The following SAMSN1 variants were observed in gnomAD, a reference collection of about 807,000 sequenced individuals.
SAMSN1 encodes the protein SAM domain, SH3 domain and nuclear localization signals 1, also known as SAM domain-containing protein SAMSN-1.
Under a neutral mutation model 42.0 loss-of-function variants are expected in SAMSN1, and 31 were observed. The observed-to-expected ratio is 0.74, with a 90% CI of 0.55 to 1.00. The LOEUF is 1.00. Among genes scored for constraint, SAMSN1 ranks in the 50% least tolerant of loss-of-function variants. The pLI, the probability that SAMSN1 is intolerant of heterozygous loss-of-function variation, is 0.00. For missense variants in SAMSN1, 464 were observed against 439.4 expected (o/e 1.06, Z -0.50); for synonymous variants, 178 against 151.9 (o/e 1.17, Z -1.26).
chr21:14,516,326 C>T (rs1377823419), intron 3 of SAMSN1, among the ~76,000 whole-genome samples: 2 of 152,112 alleles, frequency 1.3e-5, no homozygotes, highest in Non-Finnish European at 2.9e-5. Flanking sequence ...CTGATACTTG[C>T]TACTAAATTA....
chr21:14,517,309 T>A (rs895115343), intron 2 of SAMSN1, among the ~76,000 whole-genome samples: 2 of 152,226 alleles, frequency 1.3e-5, no homozygotes, highest in African/African-American at 4.8e-5. Context: ...TTTTGACTAT[T>A]TTTTAAATAG....
chr21:14,640,891 A>G (rs1983578591), intron 2 of SAMSN1, among the ~76,000 whole-genome samples: 1 of 152,140 alleles, frequency 6.6e-6, no homozygotes, highest in African/African-American at 2.4e-5. Flanking sequence ...ACAGAGCTAT[A>G]GCAATTTAAA....
chr21:14,599,505 T>A (rs1451386946), intron 6 of SAMSN1, among the ~76,000 whole-genome samples: 2 of 152,134 alleles, frequency 1.3e-5, no homozygotes, highest in Admixed American at 1.3e-4. Flanking sequence ...TAGCCTCGGG[T>A]ATTTCTTCAT....
At chr21:14,581,009 T>C (rs1301612402) in intron 2 of SAMSN1, among the ~76,000 whole-genome samples, 1 of 152,200 alleles carries the variant, frequency 6.6e-6, no homozygotes. Context: ...CTTTAGCTTC[T>C]TGACTATTTC....
chr21:14,632,830 T>C (rs529149724), intron 2 of SAMSN1, among the ~76,000 whole-genome samples: 1 of 152,218 alleles, frequency 6.6e-6, no homozygotes, highest in South Asian at 2.1e-4. Context: ...TTCAATTTCC[T>C]GAAGGCTGTT....
intron 2 of SAMSN1, among the ~76,000 whole-genome samples, chr21:14,551,996 T>G (rs1326479775): frequency 6.6e-6 from 1 of 152,114 alleles, no homozygotes; most frequent in Non-Finnish European, 1.5e-5. Flanking sequence ...TGCTAAGGGC[T>G]AGGGGGAGGG....
chr21:14,623,034 A>G (rs1983057296), intron 2 of SAMSN1, among the ~76,000 whole-genome samples: 2 of 152,336 alleles, frequency 1.3e-5, no homozygotes, highest in South Asian at 4.1e-4. Flanking sequence ...TTTATAAGTG[A>G]AGGAGAAATA....
At chr21:14,493,942 G>A (rs368657) in intron 7 of SAMSN1, among the ~76,000 whole-genome samples, 69,301 of 151,950 alleles carry the variant, frequency 0.46, 16,255 homozygotes, top group African/African-American at 0.56. Flanking sequence ...CAGCACTAAC[G>A]CCACATACCA....
rs117223920 is a variant in SAMSN1, at chr21:14,562,937, C to T, written c.261+19199G>A. Among the ~76,000 whole-genome samples the T allele has an allele frequency of 2.5e-3, 387 of 152,250 alleles. 4 individuals are homozygous for T. Among genetic ancestry groups the T allele is most frequent in the Admixed American group, 6.3e-3 (97 of 15,286 alleles). ...TAATTTGGGTAGGTTGTATTCCAAG[C>T]TCTGATGTTCCTAAGTCTATGTACT... On this transcript the variant is annotated intron_variant, in intron 2 of 8. Coordinates refer to the SAMSN1 transcript ENST00000285670.
intron 1 of SAMSN1, among the ~76,000 whole-genome samples, chr21:14,524,769 T>C (rs1461348729): frequency 6.6e-6 from 1 of 152,174 alleles, no homozygotes; most frequent in Non-Finnish European, 1.5e-5. Context: ...TGTATGAAGC[T>C]GTAAAAAATT....
At chr21:14,657,787 T>TTCAGCCTCCCACA (rs1323261101) in intron 1 of SAMSN1, among the ~76,000 whole-genome samples, 1 of 151,878 alleles carries the variant, frequency 6.6e-6, no homozygotes, top group Non-Finnish European at 1.5e-5. Flanking sequence ...AACTCGATGA[T>TTCAGCCTCCCACA]TCAGCCTCCC....
chr21:14,546,680 A>C (rs1600922385), upstream of SAMSN1, among the ~76,000 whole-genome samples: 1 of 152,100 alleles, frequency 6.6e-6, no homozygotes, highest in East Asian at 1.9e-4. Flanking sequence ...AAAAAAAAAA[A>C]AAAGAATACT....
chr21:14,496,760 C>A (rs563211488), intron 7 of SAMSN1, among the ~76,000 whole-genome samples: 104 of 152,330 alleles, frequency 6.8e-4, no homozygotes, highest in Non-Finnish European at 1.1e-3. Flanking sequence ...AGCCTCACAA[C>A]TTCAAAGAAA....
intron 5 of SAMSN1, 42 bp downstream of exon 5, chr21:14,510,267 AT>A (rs1345258717): frequency 6.3e-7 from 1 of 1,594,936 alleles, no homozygotes; most frequent in East Asian, 2.2e-5. Context: ...TATAATCAGC[AT>A]TTGACAGACC....
intron 2 of SAMSN1, among the ~76,000 whole-genome samples, chr21:14,557,265 A>C (rs1177603055): frequency 6.6e-6 from 1 of 152,176 alleles, no homozygotes; most frequent in Non-Finnish European, 1.5e-5. Flanking sequence ...CAAGTCTCAA[A>C]TTTCCTCATT....
At chr21:14,579,068 C>A (rs9978880) in intron 2 of SAMSN1, among the ~76,000 whole-genome samples, 1 of 152,070 alleles carries the variant, frequency 6.6e-6, no homozygotes, top group Non-Finnish European at 1.5e-5. Context: ...ATATTTTTCA[C>A]TTGTTGTTGT....
intron 1 of SAMSN1, among the ~76,000 whole-genome samples, chr21:14,524,770 G>T (rs1978731183): frequency 6.6e-6 from 1 of 152,124 alleles, no homozygotes; most frequent in Non-Finnish European, 1.5e-5. Flanking sequence ...GTATGAAGCT[G>T]TAAAAAATTA....
chr21:14,593,317 G>GTTCTGAAGCCA (rs1211874642), intron 7 of SAMSN1, among the ~76,000 whole-genome samples: 2 of 152,200 alleles, frequency 1.3e-5, no homozygotes, highest in East Asian at 3.9e-4. Flanking sequence ...AGCTTGTAGT[G>GTTCTGAAGCCA]TTCTGAAGCC....
chr21:14,517,899 T>C (rs2822715), intron 2 of SAMSN1, among the ~76,000 whole-genome samples: 52,476 of 152,110 alleles, frequency 0.34, 10,102 homozygotes, highest in Admixed American at 0.51. Flanking sequence ...ACTTCTCAAG[T>C]CTCCCTCGCT....
Sources: allele counts gnomAD v4.1 joint callset (sites outside exome capture counted in the v4.1 genomes callset), GRCh38; gene constraint gnomAD v4.1.1; transcripts MANE v1.5; gene names NCBI Gene and HGNC (gene_info 2026-07-23, HGNC 2026-07-21).